Variants in TRMT11 observed in about 807,000 individuals in gnomAD.
TRMT11 encodes the protein tRNA (guanine(10)-N(2))-methyltransferase TRMT11.
TRMT11 carries 53 observed loss-of-function variants against 62.8 expected under a neutral mutation model. That is an observed-to-expected ratio of 0.84 (90% CI 0.68 to 1.06). The LOEUF is 1.06. Ranked by LOEUF, TRMT11 falls within the 50% of genes least tolerant of loss-of-function variation. TRMT11 has a pLI of 0.00. For synonymous variants in TRMT11, 188 were observed against 190.3 expected, an observed-to-expected ratio of 0.99 and a Z score of 0.10; for missense variants, 556 against 553.4, an observed-to-expected ratio of 1.00 and a Z score of -0.05.
chr6:126,226,487 G>C, the TRMT11 span, among the ~76,000 whole-genome samples: 1 of 151,740 alleles, frequency 6.6e-6, no homozygotes, highest in Non-Finnish European at 1.5e-5. Context: ...TTCTGTGCTC[G>C]CATTAAAGAA....
chr6:126,023,037 T>C (rs1160449050), intron 12 of TRMT11, among the ~76,000 whole-genome samples: 2 of 152,240 alleles, frequency 1.3e-5, no homozygotes, highest in Non-Finnish European at 2.9e-5. Context: ...TATTTTGTTT[T>C]ATAGTAACAC....
At chr6:126,091,640 A>G (rs1777278864) in intron 17 of TRMT11, among the ~76,000 whole-genome samples, 1 of 152,070 alleles carries the variant, frequency 6.6e-6, no homozygotes, top group Non-Finnish European at 1.5e-5. Context: ...GTCACACCCT[A>G]TTTGTCTGGC....
At chr6:126,026,874 C>T (rs1374603200) in intron 12 of TRMT11, among the ~76,000 whole-genome samples, 2 of 146,350 alleles carry the variant, frequency 1.4e-5, no homozygotes, top group Non-Finnish European at 3.0e-5. Context: ...GGGATCTCAG[C>T]GCACTGCAAG....
At chr6:126,190,012 G>C (rs1778576916) in intron 1 of TRMT11, among the ~76,000 whole-genome samples, 1 of 152,040 alleles carries the variant, frequency 6.6e-6, no homozygotes, top group Admixed American at 6.6e-5. Flanking sequence ...CTGGGTAATT[G>C]AGATATACAT....
At chr6:126,253,333 C>A in the TRMT11 span, among the ~76,000 whole-genome samples, 1 of 152,140 alleles carries the variant, frequency 6.6e-6, no homozygotes. Flanking sequence ...TTTTGGAACA[C>A]CTTCTGAAGG....
intron 21 of TRMT11, among the ~76,000 whole-genome samples, chr6:126,120,121 A>C (rs1225492787): frequency 6.6e-6 from 1 of 151,986 alleles, no homozygotes; most frequent in Non-Finnish European, 1.5e-5. Flanking sequence ...TAAAAATAAA[A>C]AAAATTAGCC....
intron 1 of TRMT11, among the ~76,000 whole-genome samples, chr6:126,186,266 T>C (rs1778526718): frequency 6.6e-6 from 1 of 152,170 alleles, no homozygotes; most frequent in Non-Finnish European, 1.5e-5. Flanking sequence ...CAGATGTATC[T>C]TGGGCACAAA....
intron 17 of TRMT11, among the ~76,000 whole-genome samples, chr6:126,056,284 T>G (rs1339971654): frequency 6.6e-6 from 1 of 152,156 alleles, no homozygotes. Flanking sequence ...ACTAAATCCA[T>G]TAGGCGAGGA....
chr6:126,068,180 G>A (rs1776744787), intron 17 of TRMT11, among the ~76,000 whole-genome samples: 1 of 151,866 alleles, frequency 6.6e-6, no homozygotes, highest in South Asian at 2.1e-4. Flanking sequence ...TTTCATAAGA[G>A]TTTTTAAAAA....
chr6:126,043,163 A>T (rs1176927206), downstream of TRMT11, among the ~76,000 whole-genome samples: 1 of 147,316 alleles, frequency 6.8e-6, no homozygotes, highest in Admixed American at 6.7e-5. Context: ...TTAACTCATC[A>T]TTTAGCATTA....
In TRMT11 at chr6:125,999,492, C is replaced by T. The variant is rs762429241; in HGVS notation, c.558C>T (p.Tyr186=). 6.2e-7 allele frequency: 1 copy of T among 1,609,620 alleles called. No individual in the cohort carries two copies. The highest frequency in any genetic ancestry group is 8.5e-7 in the Non-Finnish European group (1 of 1,178,016). ...ADGQRELIES[Y]SVKKRHFIGN... ...GACAGAGAGAGCTTATTGAGTCATA[C>T]AGTGTCAAAAAGAGACACTTTATTG... Residue 186 remains tyrosine (Y), a synonymous_variant, in exon 7 of 13, where the codon TAC becomes TAT. Transcript: ENST00000334379.
intron 17 of TRMT11, among the ~76,000 whole-genome samples, chr6:126,100,552 C>T (rs1289749267): frequency 1.3e-5 from 2 of 152,186 alleles, no homozygotes; most frequent in Non-Finnish European, 2.9e-5. Flanking sequence ...GGATTTGCTA[C>T]AAGGAATGTG....
At chr6:126,153,848 G>A (rs749731839) in intron 21 of TRMT11, among the ~76,000 whole-genome samples, 26 of 152,214 alleles carry the variant, frequency 1.7e-4, no homozygotes, top group Non-Finnish European at 3.4e-4. Context: ...TTTAAGTGAT[G>A]TGTTGATGAT....
At chr6:126,003,037 G>A (rs982835780) in intron 7 of TRMT11, among the ~76,000 whole-genome samples, 1 of 151,946 alleles carries the variant, frequency 6.6e-6, no homozygotes, top group Non-Finnish European at 1.5e-5. Context: ...TGTATGTACC[G>A]TAATTTATTC....
intron 17 of TRMT11, among the ~76,000 whole-genome samples, chr6:126,104,302 G>A (rs918694402): frequency 1.3e-5 from 2 of 152,340 alleles, no homozygotes; most frequent in East Asian, 3.9e-4. Context: ...CTAGTCAGGA[G>A]TGGGTGGCAA....
At chr6:126,187,279 T>A (rs1337799253) in intron 1 of TRMT11, among the ~76,000 whole-genome samples, 1 of 151,948 alleles carries the variant, frequency 6.6e-6, no homozygotes, top group African/African-American at 2.4e-5. Context: ...AGATCCAAGA[T>A]TGATATAAAA....
At chr6:126,147,855 A>G (rs532851373) in intron 21 of TRMT11, among the ~76,000 whole-genome samples, 18 of 152,000 alleles carry the variant, frequency 1.2e-4, no homozygotes, top group Non-Finnish European at 2.2e-4. Context: ...ATGAGAACAC[A>G]TGGACACAGG....
chr6:126,050,745 A>G (rs1776192665), intron 16 of TRMT11, among the ~76,000 whole-genome samples: 1 of 152,114 alleles, frequency 6.6e-6, no homozygotes, highest in African/African-American at 2.4e-5. Context: ...GATGTGTTTG[A>G]GACAGGCCAG....
At chr6:126,213,762 T>C in the TRMT11 span, among the ~76,000 whole-genome samples, 3 of 152,078 alleles carry the variant, frequency 2.0e-5, no homozygotes, top group African/African-American at 7.2e-5. Flanking sequence ...CTGACTGCTC[T>C]AGCTAGGACT....
Sources: allele counts gnomAD v4.1 joint callset (sites outside exome capture counted in the v4.1 genomes callset), GRCh38; gene constraint gnomAD v4.1.1; transcripts MANE v1.5; gene names NCBI Gene and HGNC (gene_info 2026-07-23, HGNC 2026-07-21).